The following CERS6 variants were observed in gnomAD, a reference collection of about 807,000 sequenced individuals.
The protein encoded by CERS6 is LAG1 homolog, ceramide synthase 6.
In CERS6, 26 loss-of-function variants were observed where a neutral mutation model predicts 56.8. The observed-to-expected ratio is 0.46, with a 90% CI of 0.34 to 0.63. The LOEUF (loss-of-function observed/expected upper bound fraction) is 0.63, where lower values mean the gene tolerates loss of function less well. Ranked by LOEUF, CERS6 falls within the 30% of genes least tolerant of loss-of-function variation. CERS6 has a pLI of 0.01. For missense variants in CERS6, 415 were observed against 467.5 expected, an observed-to-expected ratio of 0.89 and a Z score of 1.04; for synonymous variants, 164 against 173.3, an observed-to-expected ratio of 0.95 and a Z score of 0.42.
At chr2:168,550,153 C>G (rs901009017) in intron 2 of CERS6, among the ~76,000 whole-genome samples, 2 of 152,144 alleles carry the variant, frequency 1.3e-5, no homozygotes, top group African/African-American at 2.4e-5. Flanking sequence ...CAGTCTCTCT[C>G]TACTTGTCAA....
At chr2:168,576,310 AGCC>A (rs1683268545) in intron 3 of CERS6, among the ~76,000 whole-genome samples, 1 of 152,150 alleles carries the variant, frequency 6.6e-6, no homozygotes, top group African/African-American at 2.4e-5. Flanking sequence ...CATGACAAAG[AGCC>A]AGTCTTATCC....
At position 168,764,006 on chromosome 2, in the gene CERS6, T is replaced by C. The variant is rs111725319; in HGVS notation, c.846-1586T>C. Among the ~76,000 whole-genome samples, 15 of 152,360 alleles carry C rather than the reference T, an allele frequency of 9.8e-5. 1 individual carries two copies. Among genetic ancestry groups the C allele is most frequent in the African/African-American group, 3.6e-4 (15 of 41,580 alleles). ...AGCACTAAAACCAGCCTTTTATGTA[T>C]CTACTCCAGGTGGCTGTTCCATTCT... On this transcript the variant is annotated intron_variant, in intron 8 of 9. Coordinates refer to ENST00000305747, the MANE Select transcript of CERS6 (RefSeq NM_203463.3).
chr2:168,519,492 G>A (rs1694940891), intron 1 of CERS6, among the ~76,000 whole-genome samples: 1 of 152,058 alleles, frequency 6.6e-6, no homozygotes, highest in African/African-American at 2.4e-5. Context: ...ACATAGTACT[G>A]GATAAGTCAT....
intron 1 of CERS6, among the ~76,000 whole-genome samples, chr2:168,519,154 T>C (rs1312347436): frequency 1.3e-5 from 2 of 152,310 alleles, no homozygotes; most frequent in African/African-American, 4.8e-5. Flanking sequence ...ATCATAAATA[T>C]GGGTTAATGT....
rs569944779 is a variant in CERS6 at position 168,720,047 on chromosome 2, G to A, written c.845+2069G>A. The stretch of plus-strand genomic sequence containing the variant: ...GCCTCCCAGGTTCAAGTGATTCTTC[G>A]GCCTCAAGTAGCTGAGACTACAGCA... On this transcript the variant is annotated intron_variant, in intron 8 of 9. Transcript: ENST00000305747. 1.5e-4 allele frequency among the ~76,000 whole-genome samples: 22 copies of A among 150,018 alleles called. No homozygotes were observed. The East Asian group carries it at 3.7e-3, about 25-fold the overall frequency.
At chr2:168,498,870 A>C (rs1694525037) in intron 1 of CERS6, among the ~76,000 whole-genome samples, 1 of 152,094 alleles carries the variant, frequency 6.6e-6, no homozygotes, top group Non-Finnish European at 1.5e-5. Flanking sequence ...AGAAAGCCTA[A>C]TTGTGGTTAG....
At chr2:168,765,828 C>T (rs1574230932) in intron 9 of CERS6, 80 bp downstream of exon 9, 1 of 1,246,168 alleles carries the variant, frequency 8.0e-7, no homozygotes, top group African/African-American at 1.5e-5. Context: ...ATTTACTATT[C>T]CATATTTCAT....
Position 168,671,579 on chromosome 2 carries a change from CA to C in CERS6, c.466-19454del, listed in dbSNP as rs145900277. On this transcript the variant is annotated intron_variant, in intron 4 of 9. Coordinates refer to ENST00000305747, the MANE Select transcript of CERS6 (RefSeq NM_203463.3). ...GTGAATCGTGAGTCTCATTATAAAACAGTTTGATATTACAATGAGTGGATTT... is the reference window on the plus strand; with the variant it reads ...GTGAATCGTGAGTCTCATTATAAAACGTTTGATATTACAATGAGTGGATTT... Among the ~76,000 whole-genome samples the C allele has an allele frequency of 2.7e-3, 405 of 152,298 alleles. 1 individual carries two copies. The highest frequency in any genetic ancestry group is 3.5e-3 in the Non-Finnish European group (241 of 68,032).
At chr2:168,765,949 G>A (rs1367976687) in intron 9 of CERS6, among the ~76,000 whole-genome samples, 1 of 152,022 alleles carries the variant, frequency 6.6e-6, no homozygotes, top group Non-Finnish European at 1.5e-5. Flanking sequence ...CCAATGATAT[G>A]CATTTGTAAT....
At chr2:168,650,521 C>T (rs1402353039) in intron 4 of CERS6, among the ~76,000 whole-genome samples, 2 of 152,138 alleles carry the variant, frequency 1.3e-5, no homozygotes, top group Non-Finnish European at 2.9e-5. Context: ...ATGAAATAGC[C>T]CAACTCCTGA....
chr2:168,623,697 G>A (rs544108065), intron 3 of CERS6, among the ~76,000 whole-genome samples: 2 of 151,600 alleles, frequency 1.3e-5, no homozygotes, highest in African/African-American at 4.8e-5. Context: ...AAGAACTTTA[G>A]ATGTCAATCT....
chr2:168,767,738 G>C (rs1684758783), intron 9 of CERS6, among the ~76,000 whole-genome samples: 1 of 152,210 alleles, frequency 6.6e-6, no homozygotes, highest in Non-Finnish European at 1.5e-5. Context: ...GGTGGAGGGA[G>C]TCCAGGATTC....
chr2:168,739,262 A>T (rs1174359812), intron 8 of CERS6, among the ~76,000 whole-genome samples: 1 of 151,930 alleles, frequency 6.6e-6, no homozygotes, highest in Non-Finnish European at 1.5e-5. Context: ...GGTCTAACTG[A>T]GAAAATGATA....
chr2:168,705,191 C>T (rs1686907993), intron 6 of CERS6, among the ~76,000 whole-genome samples: 1 of 152,052 alleles, frequency 6.6e-6, no homozygotes, highest in South Asian at 2.1e-4. Context: ...AATAGAGTTT[C>T]AAAGTCATAC....
rs189190546 is a variant in CERS6, at chr2:168,738,578, A to G, written c.845+20600A>G. Among the ~76,000 whole-genome samples, 91 of 152,356 alleles carry G rather than the reference A, an allele frequency of 6.0e-4. 1 individual carries two copies. Among genetic ancestry groups the G allele is most frequent in the Middle Eastern group, 3.4e-3 (1 of 294 alleles). On this transcript the variant is annotated intron_variant, in intron 8 of 9. Coordinates refer to ENST00000305747, the MANE Select transcript of CERS6 (RefSeq NM_203463.3). ...GATTAGAATTTACATAGATTAAGCA[A>G]GTAGTCTGTTGAGGGATAGACTTCT...
chr2:168,759,138 G>A (rs1164450138), intron 8 of CERS6, among the ~76,000 whole-genome samples: 1 of 152,176 alleles, frequency 6.6e-6, no homozygotes, highest in Non-Finnish European at 1.5e-5. Context: ...AGATATTGGG[G>A]TGGTCACAGG....
intron 1 of CERS6, among the ~76,000 whole-genome samples, chr2:168,540,697 G>A (rs554993444): frequency 3.9e-5 from 6 of 152,278 alleles, no homozygotes; most frequent in African/African-American, 9.6e-5. Context: ...TTGCACTGTC[G>A]TTGAGCCTTC....
In CERS6 at chr2:168,596,188, A is replaced by G. The variant is rs74408469; in HGVS notation, c.408-34797A>G. On this transcript the variant is annotated intron_variant, in intron 3 of 9. Transcript: ENST00000305747. ...TGGCTAGTAGACTTGGATCCTAGTC[A>G]TGAACCACAAAGAGAAGAGGTTCTG... is the stretch of plus-strand genomic sequence containing the variant. 5.1e-3 allele frequency among the ~76,000 whole-genome samples: 775 copies of G among 152,320 alleles called. 9 individuals carry two copies. Among genetic ancestry groups the G allele is most frequent in the African/African-American group, 0.017 (725 of 41,562 alleles).
At chr2:168,648,722 A>G (rs1204757998) in intron 4 of CERS6, among the ~76,000 whole-genome samples, 1 of 152,028 alleles carries the variant, frequency 6.6e-6, no homozygotes, top group Non-Finnish European at 1.5e-5. Flanking sequence ...GGTATGTTTT[A>G]TCTTTGTTCT....
Sources: gnomAD v4.1 joint callset for allele counts (sites outside exome capture counted in the v4.1 genomes callset) on GRCh38, gnomAD v4.1.1 for gene constraint, MANE v1.5 for transcripts, NCBI Gene and HGNC (gene_info 2026-07-23, HGNC 2026-07-21) for gene names.